KCNMB3: variants seen among roughly 807,000 people sequenced by gnomAD.
The protein encoded by KCNMB3 is calcium-activated potassium channel subunit beta-3.
KCNMB3 carries 18 observed loss-of-function variants against 11.9 expected under a neutral mutation model. That is an observed-to-expected ratio of 1.51 (90% CI 1.04 to 2.23). The LOEUF (loss-of-function observed/expected upper bound fraction) is 2.23, where lower values mean the gene tolerates loss of function less well. Ranked by LOEUF, KCNMB3 falls within the 30% of genes most tolerant of loss-of-function variation. The pLI, the probability that KCNMB3 is intolerant of heterozygous loss-of-function variation, is 0.00. For synonymous variants in KCNMB3, 78 were observed against 119.2 expected, an observed-to-expected ratio of 0.65 and a Z score of 2.25; for missense variants, 247 against 329.4, an observed-to-expected ratio of 0.75 and a Z score of 1.94.
chr3:179,251,352 TAACAGCGTCCTG>T, upstream of KCNMB3: 1 of 1,440,112 alleles, frequency 6.9e-7, no homozygotes, highest in African/African-American at 1.4e-5. Flanking sequence ...CATTTGGAAT[TAACAGCGTCCTG>T]AACAGGGTTT....
intron 1 of KCNMB3, among the ~76,000 whole-genome samples, chr3:179,249,399 G>A (rs911615162): frequency 6.6e-5 from 10 of 150,782 alleles, no homozygotes; most frequent in South Asian, 2.1e-4. Context: ...GGTGGCTCAC[G>A]CCTGTAATCC....
At chr3:179,249,445 G>A (rs1356910254) in intron 1 of KCNMB3, among the ~76,000 whole-genome samples, 1 of 151,964 alleles carries the variant, frequency 6.6e-6, no homozygotes, top group African/African-American at 2.4e-5. Flanking sequence ...CAGATCACAG[G>A]GTCAGGAGTT....
intron 1 of KCNMB3, among the ~76,000 whole-genome samples, chr3:179,249,431 C>G (rs370977775): frequency 6.6e-5 from 10 of 151,744 alleles, no homozygotes; most frequent in African/African-American, 2.2e-4. Flanking sequence ...GAGGCCAAGG[C>G]GGGCAGATCA....
chr3:179,264,699 C>T (rs1256693110), intron 1 of KCNMB3, among the ~76,000 whole-genome samples: 2 of 152,188 alleles, frequency 1.3e-5, no homozygotes, highest in East Asian at 3.8e-4. Flanking sequence ...CCTCTCCCTC[C>T]AGCACTGAAA....
chr3:179,244,363 C>T (rs1725563257), intron 2 of KCNMB3, 132 bp downstream of exon 2: 1 of 660,672 alleles, frequency 1.5e-6, no homozygotes. Flanking sequence ...CTGATTTGAT[C>T]ACTATAAAAA....
upstream of KCNMB3, among the ~76,000 whole-genome samples, chr3:179,256,049 T>C (rs968070361): frequency 6.6e-6 from 1 of 152,202 alleles, no homozygotes; most frequent in Admixed American, 6.5e-5. Context: ...AAGGGTCAAG[T>C]ATTTACTCAA....
chr3:179,252,242 C>T (rs1725871829), upstream of KCNMB3, among the ~76,000 whole-genome samples: 1 of 152,120 alleles, frequency 6.6e-6, no homozygotes, highest in African/African-American at 2.4e-5. Flanking sequence ...ATTTGCCATT[C>T]CCTGCTCAGT....
intron 1 of KCNMB3, among the ~76,000 whole-genome samples, chr3:179,262,478 G>A (rs1312775090): frequency 6.6e-6 from 1 of 152,204 alleles, no homozygotes; most frequent in East Asian, 1.9e-4. Flanking sequence ...CATAAAGGCA[G>A]CGTGGACCCA....
intron 1 of KCNMB3, chr3:179,258,864 A>G: frequency 6.4e-7 from 1 of 1,552,558 alleles, no homozygotes; most frequent in Non-Finnish European, 8.9e-7. Flanking sequence ...GAAATCTACA[A>G]GTAACAGTCT....
At chr3:179,261,210 G>T in intron 1 of KCNMB3, 1 of 1,357,816 alleles carries the variant, frequency 7.4e-7, no homozygotes, top group Non-Finnish European at 9.9e-7. Flanking sequence ...GCCTCCGCCA[G>T]CCTCTGCGCT....
intron 1 of KCNMB3, 125 bp from the exon 2 acceptor site, chr3:179,244,818 G>T: frequency 1.2e-6 from 1 of 813,000 alleles, no homozygotes; most frequent in Non-Finnish European, 2.0e-6. Flanking sequence ...TGTGTATTTT[G>T]AGGTGGTGCA....
intron 1 of KCNMB3, among the ~76,000 whole-genome samples, chr3:179,258,237 T>C (rs895713987): frequency 6.6e-6 from 1 of 152,232 alleles, no homozygotes; most frequent in African/African-American, 2.4e-5. Context: ...GTAGGAAATG[T>C]AATTTGACAT....
At position 179,260,345 on chromosome 3, in the gene KCNMB3, G is replaced by A. The variant is rs1251774917; in HGVS notation, c.62+6304C>T. 9.3e-6 allele frequency: 15 copies of A among 1,613,948 alleles called. No homozygotes were observed. In the Middle Eastern group the frequency reaches 8.3e-4, roughly 89 times the overall value. ...TTTGGCTTTGAACCTGTTCCTCATAGGTAGCACCTGCTAAGGTTCCTAGGA... is the reference window on the plus strand; with the variant it reads ...TTTGGCTTTGAACCTGTTCCTCATAAGTAGCACCTGCTAAGGTTCCTAGGA... On this transcript the variant is annotated intron_variant, in intron 1 of 3. Transcript: ENST00000349697.
chr3:179,258,127 C>T (rs1331405428), intron 1 of KCNMB3, among the ~76,000 whole-genome samples: 5 of 152,158 alleles, frequency 3.3e-5, no homozygotes, highest in Non-Finnish European at 5.9e-5. Context: ...CTCAGGTGAT[C>T]CACCCGCCTT....
chr3:179,259,281 T>C, intron 1 of KCNMB3: 1 of 1,547,842 alleles, frequency 6.5e-7, no homozygotes, highest in Non-Finnish European at 8.7e-7. Context: ...GTGATCTGCA[T>C]CTTCGCTCTC....
intron 1 of KCNMB3, among the ~76,000 whole-genome samples, chr3:179,248,050 T>C (rs1725704549): frequency 6.6e-6 from 1 of 152,128 alleles, no homozygotes; most frequent in Non-Finnish European, 1.5e-5. Flanking sequence ...GTGTGGGCCA[T>C]CCTACAAAAT....
At chr3:179,263,571 G>T (rs1726289279) in intron 1 of KCNMB3, among the ~76,000 whole-genome samples, 1 of 152,140 alleles carries the variant, frequency 6.6e-6, no homozygotes, top group Admixed American at 6.5e-5. Flanking sequence ...TAGCCACAAA[G>T]AATTCCTCAA....
At chr3:179,263,495 G>A (rs904410390) in intron 1 of KCNMB3, among the ~76,000 whole-genome samples, 4 of 151,908 alleles carry the variant, frequency 2.6e-5, no homozygotes, top group East Asian at 1.9e-4. Context: ...GAGGAGGCGC[G>A]GAGAGCGAGC....
chr3:179,254,968 G>A (rs760923146), upstream of KCNMB3, among the ~76,000 whole-genome samples: 8 of 151,874 alleles, frequency 5.3e-5, no homozygotes, highest in African/African-American at 1.9e-4. Context: ...AGTTTGAGAC[G>A]AGCCCGGCCA....
Sources: allele counts gnomAD v4.1 joint callset (sites outside exome capture counted in the v4.1 genomes callset), GRCh38; gene constraint gnomAD v4.1.1; transcripts MANE v1.5; gene names NCBI Gene and HGNC (gene_info 2026-07-23, HGNC 2026-07-21).